Variants in DRD3 observed in about 807,000 individuals in gnomAD.
DRD3 encodes the protein D(3) dopamine receptor.
In DRD3, 19 loss-of-function variants were observed where a neutral mutation model predicts 36.3. The ratio of observed to expected loss-of-function variants is 0.52; its 90% CI spans 0.36 to 0.77. The LOEUF (loss-of-function observed/expected upper bound fraction) is 0.77. Among genes scored for constraint, DRD3 ranks in the 30% least tolerant of loss-of-function variants. The pLI is 0.00. For synonymous variants in DRD3, 195 were observed against 203.7 expected (o/e 0.96, Z 0.36); for missense variants, 465 against 505.3 (o/e 0.92, Z 0.77).
Position 114,171,965 on chromosome 3 carries a change from G to A in DRD3, c.28C>T (p.His10Tyr), listed in dbSNP as rs190430646. The change falls in exon 2 of 7, where the codon CAC (histidine) becomes TAC (tyrosine). Residue 10 changes from histidine (H) to tyrosine (Y), a missense_variant. By Grantham distance (83) the His-to-Tyr change is moderately conservative. Transcript: ENST00000383673. ...TCTGCCCCACAGGTGTAGTTCAGGT[G>A]GCCACTCAGCTGGCTCAGAGATGCC... is the stretch of plus-strand genomic sequence containing the variant. MASLSQLSG[H>Y]LNYTCGAENS... 1.3e-6 allele frequency: 2 copies of A among 1,528,624 alleles called. No individual in the cohort carries two copies. Among genetic ancestry groups the A allele is most frequent in the Admixed American group, 2.0e-5 (1 of 49,696 alleles). The allele number at this position is 1,528,624 out of a possible 1,614,324, so 94.7% of individuals were successfully genotyped here.
At chr3:114,136,034 T>C (rs2107834139) in intron 5 of DRD3, among the ~76,000 whole-genome samples, 1 of 152,206 alleles carries the variant, frequency 6.6e-6, no homozygotes, top group Non-Finnish European at 1.5e-5. Flanking sequence ...CTGATCTTCT[T>C]AAAGTGACAA....
At chr3:114,146,403 A>G (rs760189983) in intron 4 of DRD3, among the ~76,000 whole-genome samples, 2 of 152,120 alleles carry the variant, frequency 1.3e-5, no homozygotes, top group African/African-American at 2.4e-5. Context: ...GTGGTTTAAT[A>G]CCTTTCATTC....
chr3:114,145,672 CAATA>C (rs1042673596), intron 4 of DRD3, among the ~76,000 whole-genome samples: 3 of 152,050 alleles, frequency 2.0e-5, no homozygotes, highest in Admixed American at 1.3e-4. Flanking sequence ...ATTCTAAAGT[CAATA>C]AATAAAGTGA....
chr3:114,175,873 A>T (rs1479216535), intron 1 of DRD3: 1 of 152,210 alleles, frequency 6.6e-6, no homozygotes, highest in East Asian at 1.9e-4. Flanking sequence ...GAGAAATAGA[A>T]GATTACTCTT....
chr3:114,175,058 G>A (rs1577623063), intron 1 of DRD3, among the ~76,000 whole-genome samples: 1 of 152,222 alleles, frequency 6.6e-6, no homozygotes, highest in East Asian at 1.9e-4. Flanking sequence ...CTTTGTTGAG[G>A]AGGTTGTCCT....
At chr3:114,144,941 A>T (rs2077558042) in intron 4 of DRD3, among the ~76,000 whole-genome samples, 1 of 152,178 alleles carries the variant, frequency 6.6e-6, no homozygotes, top group African/African-American at 2.4e-5. Context: ...AACAATAATG[A>T]TCTCACTGGG....
At chr3:114,170,515 A>AT (rs2077828985) in intron 2 of DRD3, among the ~76,000 whole-genome samples, 1 of 151,350 alleles carries the variant, frequency 6.6e-6, no homozygotes, top group African/African-American at 2.4e-5. Context: ...ATAAATGCAT[A>AT]TTTTTTCCTC....
At chr3:114,149,802 AG>A (rs1441150572) in intron 3 of DRD3, among the ~76,000 whole-genome samples, 2 of 152,362 alleles carry the variant, frequency 1.3e-5, no homozygotes, top group East Asian at 3.9e-4. Flanking sequence ...ACTGGTTGAC[AG>A]TCAGCTAGAA....
chr3:114,134,581 G>C (rs1333644640), intron 5 of DRD3, among the ~76,000 whole-genome samples: 1 of 150,636 alleles, frequency 6.6e-6, no homozygotes, highest in Admixed American at 6.6e-5. Flanking sequence ...CATCACACCT[G>C]GCTAATTTTT....
chr3:114,128,842 G>A lies in DRD3; in HGVS notation c.1077C>T (p.His359=), dbSNP rs3732791. 1,576 of 1,613,932 alleles carry A rather than the reference G, an allele frequency of 9.8e-4. 15 individuals are homozygous for A. In the East Asian group the frequency reaches 0.013, roughly 14 times the overall value. Reference sequence around the variant, plus strand: ...TGGCACTGTAAAGCTCTGGGGACACGTGGCATGTCTGGCAGTGGGTATTGA... The same window carrying A: ...TGGCACTGTAAAGCTCTGGGGACACATGGCATGTCTGGCAGTGGGTATTGA... ...HVLNTHCQTC[H]VSPELYSATT... is the part of the protein sequence containing the mutation. The change falls in exon 7 of 7, where the codon CAC becomes CAT. Residue 359 remains histidine, a synonymous_variant. Coordinates refer to ENST00000383673, the MANE Select transcript of DRD3 (RefSeq NM_000796.6).
chr3:114,138,953 C>T (rs938220043), intron 5 of DRD3, among the ~76,000 whole-genome samples: 10 of 152,170 alleles, frequency 6.6e-5, no homozygotes, highest in African/African-American at 2.4e-4. Context: ...AAAGCCCTAG[C>T]AATTAGAAGA....
chr3:114,169,690 C>T (rs959197028), intron 2 of DRD3, among the ~76,000 whole-genome samples: 1 of 152,070 alleles, frequency 6.6e-6, no homozygotes, highest in Non-Finnish European at 1.5e-5. Flanking sequence ...CTGTCATTTT[C>T]TATAGTCTCA....
In DRD3 at chr3:114,147,440, A is replaced by T; in HGVS notation, c.501T>A (p.Pro167=). The T allele has an allele frequency of 6.2e-7, 1 of 1,613,394 alleles. No homozygotes were observed. The highest frequency in any genetic ancestry group is 2.2e-5 in the East Asian group (1 of 44,818). The change falls in exon 4 of 7, where the codon CCT becomes CCA. Residue 167 remains proline (P), a synonymous_variant. Transcript: ENST00000383673. ...VWVLAFAVSC[P]LLFGFNTTGD... ...CTGTGGTATTAAAGCCAAACAGAAG[A>T]GGGCAGGACACAGCAAAGGCCAGTA...
At chr3:114,141,009 G>A (rs758932967) in intron 4 of DRD3, among the ~76,000 whole-genome samples, 2 of 152,128 alleles carry the variant, frequency 1.3e-5, no homozygotes, top group Non-Finnish European at 2.9e-5. Context: ...TCTTGGACAC[G>A]TTTCTTTAAT....
chr3:114,155,447 C>G (rs2077657311), intron 3 of DRD3, among the ~76,000 whole-genome samples: 1 of 152,038 alleles, frequency 6.6e-6, no homozygotes, highest in South Asian at 2.1e-4. Context: ...CGGAGTTTTC[C>G]TATATGGGAC....
intron 1 of DRD3, among the ~76,000 whole-genome samples, chr3:114,196,951 C>G (rs926551276): frequency 2.7e-5 from 4 of 150,268 alleles, no homozygotes; most frequent in Non-Finnish European, 4.4e-5. Context: ...ACCTAATAGT[C>G]TTTTTTAAAT....
rs532353524 is a variant in DRD3, at chr3:114,144,783, T to C, written c.526+2632A>G. On this transcript the variant is annotated intron_variant, in intron 4 of 6. Coordinates refer to ENST00000383673, the MANE Select transcript of DRD3 (RefSeq NM_000796.6). The stretch of plus-strand genomic sequence containing the variant: ...AATTGGAAGGCTTGCTAGAGTGCTA[T>C]TAATAAACTTAAATGTAAAAGACAG... 3.3e-5 allele frequency among the ~76,000 whole-genome samples: 5 copies of C among 152,330 alleles called. No homozygotes were observed. The South Asian group carries it at 1.0e-3, about 32-fold the overall frequency.
upstream of DRD3, among the ~76,000 whole-genome samples, chr3:114,182,519 A>G (rs1245268517): frequency 1.3e-5 from 2 of 152,082 alleles, no homozygotes; most frequent in Admixed American, 6.6e-5. Flanking sequence ...GTGTGCTTGC[A>G]TGTTACCTCC....
At chr3:114,179,420 G>T (rs2077933240), upstream of DRD3, among the ~76,000 whole-genome samples, 2 of 152,190 alleles carry the variant, frequency 1.3e-5, no homozygotes, top group Admixed American at 6.5e-5. Context: ...GCTTAATACT[G>T]TAAGAAATGT....
Sources: gnomAD v4.1 joint callset for allele counts (sites outside exome capture counted in the v4.1 genomes callset) on GRCh38, gnomAD v4.1.1 for gene constraint, MANE v1.5 for transcripts, NCBI Gene and HGNC (gene_info 2026-07-23, HGNC 2026-07-21) for gene names.